Variants in IGF2BP1 observed in about 807,000 individuals in gnomAD.
The protein encoded by IGF2BP1 is insulin-like growth factor 2 mRNA-binding protein 1.
A neutral mutation model predicts 74.9 loss-of-function variants in IGF2BP1; 11 were observed. That is an observed-to-expected ratio of 0.15 (90% CI 0.09 to 0.24). IGF2BP1 has a LOEUF of 0.24. Ranked by LOEUF, IGF2BP1 falls within the 10% of genes least tolerant of loss-of-function variation. IGF2BP1 has a pLI of 1.00. For missense variants in IGF2BP1, 440 were observed against 757.4 expected (o/e 0.58, Z 4.92); for synonymous variants, 287 against 281.8 (o/e 1.02, Z -0.18).
intron 2 of IGF2BP1, among the ~76,000 whole-genome samples, chr17:49,019,907 TA>T (rs1567815610): frequency 3.4e-3 from 57 of 16,530 alleles, no homozygotes; most frequent in African/African-American, 0.022. Flanking sequence ...GGCTAATTTA[TA>T]TATATATATA....
intron 2 of IGF2BP1, among the ~76,000 whole-genome samples, chr17:49,015,117 C>A (rs2143989793): frequency 6.6e-6 from 1 of 152,242 alleles, no homozygotes; most frequent in East Asian, 1.9e-4. Context: ...GGATTACAGG[C>A]GTGTGCCACA....
rs201129518 is a variant in IGF2BP1, at chr17:49,034,754, A to C, written c.401+2781A>C. On this transcript the variant is annotated intron_variant, in intron 5 of 14. Coordinates refer to ENST00000290341, the MANE Select transcript of IGF2BP1 (RefSeq NM_006546.4). ...CCTGTCTCAAAAAAAACACAAAAAA[A>C]ACAAAAAAAACAAAAAAAACGAAAA... Among the ~76,000 whole-genome samples the C allele has an allele frequency of 6.2e-4, 78 of 126,640 alleles. 1 individual carries two copies. Among genetic ancestry groups the C allele is most frequent in the African/African-American group, 2.4e-3 (72 of 29,656 alleles). The allele number at this position is 126,640 out of a possible 152,430, so 83.1% of individuals were successfully genotyped here. A position where few individuals can be genotyped will look rare whatever the true frequency, so the allele number is the denominator to read the frequency against.
intron 2 of IGF2BP1, among the ~76,000 whole-genome samples, chr17:49,016,439 T>A (rs1205062602): frequency 6.6e-6 from 1 of 151,982 alleles, no homozygotes; most frequent in Non-Finnish European, 1.5e-5. Flanking sequence ...GTGTGTGGGA[T>A]CATATAAGCT....
At chr17:49,017,187 G>GT (rs1428205415) in intron 2 of IGF2BP1, among the ~76,000 whole-genome samples, 13 of 152,152 alleles carry the variant, frequency 8.5e-5, no homozygotes, top group Admixed American at 6.5e-4. Context: ...GAACCCTCTT[G>GT]TTGAAGAGTC....
At chr17:49,021,511 C>G (rs937010127) in intron 2 of IGF2BP1, among the ~76,000 whole-genome samples, 2 of 152,170 alleles carry the variant, frequency 1.3e-5, no homozygotes, top group African/African-American at 4.8e-5. Context: ...CTGCCGCCCC[C>G]GTCCCCACGT....
At chr17:48,996,701 A>G (rs1370671448), upstream of IGF2BP1, among the ~76,000 whole-genome samples, 1 of 151,924 alleles carries the variant, frequency 6.6e-6, no homozygotes, top group Non-Finnish European at 1.5e-5. Flanking sequence ...CCGGGTGCGA[A>G]CCACCCTTTC....
At chr17:49,046,890 C>G (rs1345167207) in intron 14 of IGF2BP1, among the ~76,000 whole-genome samples, 2 of 152,086 alleles carry the variant, frequency 1.3e-5, no homozygotes, top group Non-Finnish European at 2.9e-5. Flanking sequence ...CATTGCCGTT[C>G]AGCACTCGGA....
chr17:48,998,022 C>T (rs1567805790), intron 1 of IGF2BP1, 102 bp downstream of exon 1: 50 of 1,392,050 alleles, frequency 3.6e-5, no homozygotes, highest in Non-Finnish European at 4.7e-5. Flanking sequence ...TCTTCCCGGG[C>T]CTGCGGGGTT....
At chr17:49,000,857 C>G (rs1008103539) in intron 2 of IGF2BP1, among the ~76,000 whole-genome samples, 1 of 151,742 alleles carries the variant, frequency 6.6e-6, no homozygotes, top group Non-Finnish European at 1.5e-5. Flanking sequence ...TAAGTCATTT[C>G]TAGGCCCTTT....
At chr17:49,019,572 A>G (rs1410105789) in intron 2 of IGF2BP1, among the ~76,000 whole-genome samples, 2 of 151,998 alleles carry the variant, frequency 1.3e-5, no homozygotes, top group African/African-American at 2.4e-5. Flanking sequence ...ATTACCATGC[A>G]TATGTAGTCT....
At chr17:49,026,310 C>A in intron 3 of IGF2BP1, 156 bp from the exon 4 acceptor site, 1 of 634,058 alleles carries the variant, frequency 1.6e-6, no homozygotes, top group South Asian at 2.0e-5. Context: ...TCAGCATTAG[C>A]ACCCTAGAAA....
At position 49,044,995 on chromosome 17, in the gene IGF2BP1, C is replaced by T. The variant is rs2042094148; in HGVS notation, c.1325C>T (p.Ala442Val). 2.5e-6 allele frequency: 4 copies of T among 1,613,876 alleles called. No individual in the cohort carries two copies. Among genetic ancestry groups the T allele is most frequent in the Admixed American group, 1.7e-5 (1 of 60,010 alleles). The change falls in exon 12 of 15, where the codon GCA becomes GTA. Residue 442 changes from alanine (A) to valine (V), a missense_variant. Ala to Val is a moderately conservative substitution (Grantham distance 64). Coordinates refer to ENST00000290341, the MANE Select transcript of IGF2BP1 (RefSeq NM_006546.4). ...SRFASASIKI[A>V]PPETPDSKVR... ...GACTAGCTTTTTGCTTTTTAGATTG[C>T]ACCACCCGAAACACCTGACTCCAAA...
At chr17:49,033,558 G>T (rs917933853) in intron 5 of IGF2BP1, among the ~76,000 whole-genome samples, 4 of 151,890 alleles carry the variant, frequency 2.6e-5, no homozygotes, top group African/African-American at 7.3e-5. Flanking sequence ...GGCCAGGATG[G>T]TCTCGAACTC....
At chr17:49,000,652 T>C (rs1446926267) in intron 2 of IGF2BP1, among the ~76,000 whole-genome samples, 2 of 152,338 alleles carry the variant, frequency 1.3e-5, no homozygotes, top group Admixed American at 6.5e-5. Context: ...TGATGAAAAA[T>C]ATCCAGAATA....
chr17:49,048,410 G>A (rs1004148604), intron 14 of IGF2BP1, among the ~76,000 whole-genome samples: 1 of 151,728 alleles, frequency 6.6e-6, no homozygotes, highest in African/African-American at 2.4e-5. Context: ...ACGTCACCAC[G>A]CTCGGCTAAT....
rs1465798340 is a variant in IGF2BP1 at position 49,053,468 on chromosome 17, A to G, written c.*4024A>G. The stretch of plus-strand genomic sequence containing the variant: ...TGCCAAGCCAAGGGGTAGGGAGCCG[A>G]GAAATTGGTCTGTCGGCTCCTGGTT... On this transcript the variant is annotated 3_prime_UTR_variant, in exon 15 of 15. Transcript: ENST00000290341. The G allele has an allele frequency of 6.5e-6, 1 of 152,780 alleles. No individual in the cohort carries two copies. Among genetic ancestry groups the G allele is most frequent in the Non-Finnish European group, 1.5e-5 (1 of 68,178 alleles). 9.5% of individuals were successfully genotyped at this position (152,780 alleles called of 1,614,324 possible). A position where few individuals can be genotyped will look rare whatever the true frequency, so the allele number is the denominator to read the frequency against.
intron 2 of IGF2BP1, among the ~76,000 whole-genome samples, chr17:49,008,067 G>T (rs2041571480): frequency 6.6e-6 from 1 of 152,054 alleles, no homozygotes; most frequent in Non-Finnish European, 1.5e-5. Flanking sequence ...AGCTACTTGG[G>T]AGGCTGAGGC....
chr17:49,045,148 C>T (rs2042096416), intron 12 of IGF2BP1, 83 bp downstream of exon 12: 19 of 1,199,376 alleles, frequency 1.6e-5, no homozygotes, highest in Non-Finnish European at 2.2e-5. Context: ...AAGGCTGGGT[C>T]AGTTTCCCGT....
rs769710729 is a variant in IGF2BP1, at chr17:49,033,380, C to T, written c.401+1407C>T. Among the ~76,000 whole-genome samples, 292 of 150,678 alleles carry T rather than the reference C, an allele frequency of 1.9e-3. 2 individuals are homozygous for T. The highest frequency in any genetic ancestry group is 3.3e-3 in the Non-Finnish European group (220 of 67,684). ...TTTTTGAGACGGAGTCTCACTCTGT[C>T]GCCCAGGCTGGAGTGCAGTGGCGTG... On this transcript the variant is annotated intron_variant, in intron 5 of 14. Transcript: ENST00000290341.
Sources: gnomAD v4.1 joint callset for allele counts (sites outside exome capture counted in the v4.1 genomes callset) on GRCh38, gnomAD v4.1.1 for gene constraint, MANE v1.5 for transcripts, NCBI Gene and HGNC (gene_info 2026-07-23, HGNC 2026-07-21) for gene names.